The following SUGCT variants were observed in gnomAD, a reference collection of about 807,000 sequenced individuals.
The protein encoded by SUGCT is succinyl-CoA:glutarate CoA-transferase.
In SUGCT, 41 loss-of-function variants were observed where a neutral mutation model predicts 55.0. That is an observed-to-expected ratio of 0.74 (90% CI 0.58 to 0.97). The LOEUF is 0.97. Ranked by LOEUF, SUGCT falls within the 50% of genes least tolerant of loss-of-function variation. The pLI is 0.00. For missense variants in SUGCT, 568 were observed against 547.8 expected (o/e 1.04, Z -0.37); for synonymous variants, 187 against 200.4 (o/e 0.93, Z 0.56).
intron 13 of SUGCT, among the ~76,000 whole-genome samples, chr7:40,841,064 A>T (rs1752534861): frequency 6.6e-6 from 1 of 152,016 alleles, no homozygotes; most frequent in African/African-American, 2.4e-5. Context: ...TTTATAACTC[A>T]TCATTGTTAT....
At chr7:40,538,758 A>G (rs1347086417) in intron 12 of SUGCT, 3 of 152,194 alleles carry the variant, frequency 2.0e-5, no homozygotes, top group South Asian at 2.1e-4. Context: ...CTTACAATAC[A>G]AAGAATGATA....
Position 40,265,239 on chromosome 7 carries a change from A to C in SUGCT, c.577-9274A>C, listed in dbSNP as rs1791487744. On this transcript the variant is annotated intron_variant, in intron 7 of 13. Transcript: ENST00000335693. ...TTTAAGAATGATTTTTTATTTTAGA[A>C]ATGAAGCCAACTACTTAAAAAAAGT... Among the ~76,000 whole-genome samples, 3 of 152,194 alleles carry C rather than the reference A, an allele frequency of 2.0e-5. 1 individual carries two copies. In the South Asian group the frequency reaches 6.2e-4, roughly 31 times the overall value.
At chr7:40,774,625 A>G (rs562881677) in intron 13 of SUGCT, among the ~76,000 whole-genome samples, 1 of 152,210 alleles carries the variant, frequency 6.6e-6, no homozygotes, top group South Asian at 2.1e-4. Flanking sequence ...TAACAGAGTT[A>G]TTTCTGTTGT....
intron 13 of SUGCT, among the ~76,000 whole-genome samples, chr7:40,787,834 A>G (rs1790103442): frequency 6.6e-6 from 1 of 152,140 alleles, no homozygotes; most frequent in South Asian, 2.1e-4. Context: ...CAGCAAAGGC[A>G]AAGTGAGAAG....
chr7:40,242,852 A>G (rs1182921867), intron 7 of SUGCT, among the ~76,000 whole-genome samples: 3 of 141,646 alleles, frequency 2.1e-5, no homozygotes, highest in Admixed American at 7.4e-5. Flanking sequence ...GGCCCTTAGT[A>G]AACAATTATG....
intron 9 of SUGCT, 100 bp downstream of exon 9, chr7:40,316,955 G>GTT (rs56989808): frequency 0.01 from 1,954 of 188,424 alleles, 14 homozygotes; most frequent in African/African-American, 0.018. Context: ...TCCTTCAGCT[G>GTT]TTTTTTTTTT....
At chr7:40,393,304 A>C (rs1329012430) in intron 9 of SUGCT, among the ~76,000 whole-genome samples, 1 of 152,146 alleles carries the variant, frequency 6.6e-6, no homozygotes. Flanking sequence ...ATTTCAGAAA[A>C]ATGTTAAACA....
chr7:40,162,952 G>A (rs1467554786), intron 1 of SUGCT, among the ~76,000 whole-genome samples: 2 of 152,194 alleles, frequency 1.3e-5, no homozygotes, highest in African/African-American at 4.8e-5. Flanking sequence ...GCGGGGTTGT[G>A]CTGCAGTACA....
intron 1 of SUGCT, among the ~76,000 whole-genome samples, chr7:40,143,156 G>C (rs2150582743): frequency 6.6e-6 from 1 of 152,260 alleles, no homozygotes; most frequent in Middle Eastern, 3.4e-3. Context: ...GATTGGACTA[G>C]AGCATAAATA....
At chr7:40,175,006 C>T (rs1310663646) in intron 1 of SUGCT, among the ~76,000 whole-genome samples, 1 of 151,996 alleles carries the variant, frequency 6.6e-6, no homozygotes, top group Non-Finnish European at 1.5e-5. Context: ...AGTGGAATTG[C>T]TATGAACATC....
At chr7:40,314,518 A>AG (rs1436791676) in intron 8 of SUGCT, among the ~76,000 whole-genome samples, 2 of 150,308 alleles carry the variant, frequency 1.3e-5, no homozygotes, top group African/African-American at 4.9e-5. Context: ...AATTTCAGGA[A>AG]GGGGTGTCAA....
At chr7:40,329,325 G>A (rs111804017) in intron 9 of SUGCT, among the ~76,000 whole-genome samples, 2 of 152,168 alleles carry the variant, frequency 1.3e-5, no homozygotes, top group African/African-American at 4.8e-5. Context: ...TCATGTTGAT[G>A]TATAAGTATG....
chr7:40,343,498 C>T (rs1797155849), intron 9 of SUGCT, among the ~76,000 whole-genome samples: 1 of 151,862 alleles, frequency 6.6e-6, no homozygotes. Context: ...AAAAACGAAC[C>T]CTAGATATCT....
chr7:40,318,088 T>C (rs1390645305), intron 9 of SUGCT, among the ~76,000 whole-genome samples: 1 of 152,228 alleles, frequency 6.6e-6, no homozygotes, highest in Non-Finnish European at 1.5e-5. Flanking sequence ...ACAGACGTCA[T>C]TACATTGTTG....
At chr7:40,585,689 T>A (rs963925015) in intron 12 of SUGCT, among the ~76,000 whole-genome samples, 1 of 152,142 alleles carries the variant, frequency 6.6e-6, no homozygotes, top group Non-Finnish European at 1.5e-5. Flanking sequence ...CTTTTTTGTT[T>A]TGTTTTTTGA....
chr7:41,022,028 G>A, the SUGCT span, among the ~76,000 whole-genome samples: 1 of 151,916 alleles, frequency 6.6e-6, no homozygotes, highest in Non-Finnish European at 1.5e-5. Flanking sequence ...AAAAGAAAGA[G>A]CCAATATTCA....
chr7:40,622,607 A>T (rs998205604), intron 12 of SUGCT, among the ~76,000 whole-genome samples: 8 of 136,516 alleles, frequency 5.9e-5, no homozygotes, highest in African/African-American at 2.2e-4. Flanking sequence ...GCATACTGCT[A>T]TACCCACCCA....
intron 12 of SUGCT, among the ~76,000 whole-genome samples, chr7:40,508,296 G>A (rs555435770): frequency 1.3e-5 from 2 of 152,296 alleles, no homozygotes; most frequent in South Asian, 2.1e-4. Flanking sequence ...GCCTTGGCCT[G>A]CCGTGCCTAA....
At position 40,528,758 on chromosome 7, in the gene SUGCT, C is replaced by A. The variant is rs1431313806; in HGVS notation, c.1089+32372C>A. On this transcript the variant is annotated intron_variant, in intron 12 of 13. Coordinates refer to ENST00000335693, the MANE Select transcript of SUGCT (RefSeq NM_001193313.2). ...TCTAGATTCCTGGTAATGCCAAGTT[C>A]CTACTTGTTCCTTGATTCCCCCAAC... Among the ~76,000 whole-genome samples the A allele has an allele frequency of 5.3e-5, 8 of 152,210 alleles. No homozygotes were observed. In the East Asian group the frequency reaches 1.5e-3, roughly 29 times the overall value.
Sources: gnomAD v4.1 joint callset for allele counts (sites outside exome capture counted in the v4.1 genomes callset) on GRCh38, gnomAD v4.1.1 for gene constraint, MANE v1.5 for transcripts, NCBI Gene and HGNC (gene_info 2026-07-23, HGNC 2026-07-21) for gene names.